EFCAB13: variants seen among roughly 807,000 people sequenced by gnomAD.
EFCAB13 encodes the protein EF-hand calcium-binding domain-containing protein 13.
Under a neutral mutation model 110.2 loss-of-function variants are expected in EFCAB13, and 91 were observed. The ratio of observed to expected loss-of-function variants is 0.83; its 90% CI spans 0.70 to 0.98. EFCAB13 has a LOEUF of 0.98. Among genes scored for constraint, EFCAB13 ranks in the 50% least tolerant of loss-of-function variants. EFCAB13 has a pLI of 0.00. For missense variants in EFCAB13, 968 were observed against 1,119.4 expected, an observed-to-expected ratio of 0.86 and a Z score of 1.93; for synonymous variants, 323 against 369.9, an observed-to-expected ratio of 0.87 and a Z score of 1.45.
chr17:47,353,369 A>G (rs572240741), intron 9 of EFCAB13, among the ~76,000 whole-genome samples: 49 of 152,044 alleles, frequency 3.2e-4, no homozygotes, highest in African/African-American at 1.1e-3. Flanking sequence ...ATCTTGGCTC[A>G]CTGCAACCTC....
chr17:47,402,675 C>G (rs1305404142), intron 18 of EFCAB13, among the ~76,000 whole-genome samples: 5 of 152,132 alleles, frequency 3.3e-5, no homozygotes, highest in African/African-American at 9.7e-5. Flanking sequence ...TCAAAGTGCT[C>G]TGAGGCCAGG....
At chr17:47,373,186 T>A (rs1399376444) in intron 11 of EFCAB13, among the ~76,000 whole-genome samples, 3 of 152,206 alleles carry the variant, frequency 2.0e-5, no homozygotes, top group African/African-American at 7.2e-5. Flanking sequence ...ATTCTTGTGC[T>A]TGATCAGTTA....
At chr17:47,347,417 GA>G (rs111348943) in intron 8 of EFCAB13, among the ~76,000 whole-genome samples, 6,211 of 152,236 alleles carry the variant, frequency 0.041, 294 homozygotes, top group East Asian at 0.24. Flanking sequence ...ACAGAAGAAT[GA>G]AAAAATCTTG....
intron 14 of EFCAB13, among the ~76,000 whole-genome samples, chr17:47,380,449 A>G (rs2065640904): frequency 6.6e-6 from 1 of 152,162 alleles, no homozygotes; most frequent in Non-Finnish European, 1.5e-5. Flanking sequence ...CATGGTGTAT[A>G]TGTGCCACAT....
rs1255865699 is a variant in EFCAB13, at chr17:47,427,169, T to A, written c.2495-2649T>A. Among the ~76,000 whole-genome samples, 3 of 152,142 alleles carry A rather than the reference T, an allele frequency of 2.0e-5. No individual in the cohort carries two copies. In the East Asian group the frequency reaches 5.8e-4, roughly 29 times the overall value. ...TGCAAAATGTAAATACATCACGTTT[T>A]TATTAAATTGATAGACTGCCTTTTC... On this transcript the variant is annotated intron_variant, in intron 23 of 24. Coordinates refer to ENST00000331493, the MANE Select transcript of EFCAB13 (RefSeq NM_152347.5).
At position 47,341,938 on chromosome 17, in the gene EFCAB13, T is replaced by A; in HGVS notation, c.209T>A (p.Ile70Asn). 2 of 1,569,480 alleles carry A rather than the reference T, an allele frequency of 1.3e-6. No individual in the cohort carries two copies. The highest frequency in any genetic ancestry group is 8.7e-7 in the Non-Finnish European group (1 of 1,155,190). The change falls in exon 6 of 25, where the codon ATC becomes AAC. Residue 70 changes from isoleucine (I) to asparagine (N), a missense_variant. Ile to Asn is a moderately radical substitution (Grantham distance 149). Coordinates refer to ENST00000331493, the MANE Select transcript of EFCAB13 (RefSeq NM_152347.5). ...EYKKIFETSIIFCGEEKSSDF... is the reference protein window; with the variant it reads ...EYKKIFETSINFCGEEKSSDF... ...TCATTTAGATTTGAAACATCAATAA[T>A]CTTTTGTGGAGAAGAAAAGTCCTCT...
chr17:47,367,469 G>A (rs1877075861), intron 10 of EFCAB13, among the ~76,000 whole-genome samples: 1 of 152,258 alleles, frequency 6.6e-6, no homozygotes, highest in Admixed American at 6.5e-5. Flanking sequence ...CAGGATGAGG[G>A]TATATATTTG....
At chr17:47,334,832 T>C (rs2065339767) in intron 4 of EFCAB13, among the ~76,000 whole-genome samples, 1 of 152,128 alleles carries the variant, frequency 6.6e-6, no homozygotes, top group Admixed American at 6.5e-5. Context: ...GGAGAATTGC[T>C]TGAGCCTGGG....
chr17:47,360,094 A>G (rs1598732593), intron 9 of EFCAB13, among the ~76,000 whole-genome samples: 1 of 152,118 alleles, frequency 6.6e-6, no homozygotes, highest in Non-Finnish European at 1.5e-5. Flanking sequence ...AAACATGTGC[A>G]TGTGTCTTTA....
intron 14 of EFCAB13, among the ~76,000 whole-genome samples, chr17:47,390,651 G>C (rs1331968103): frequency 6.6e-6 from 1 of 152,044 alleles, no homozygotes. Flanking sequence ...AAACTAAGGT[G>C]AATTTACCAA....
Position 47,414,915 on chromosome 17 carries a change from CAAGGG to C in EFCAB13, c.2491_2494+1del. 6.3e-7 allele frequency: 1 copy of C among 1,591,284 alleles called. No homozygotes were observed. Among genetic ancestry groups the C allele is most frequent in the Non-Finnish European group, 8.6e-7 (1 of 1,162,100 alleles). ...AAGAAAGTCCACATTTCCAAAAGTC[CAAGGG>C]TAAGTGAATACTTCTTGTTCAAGAG... On this transcript the variant is annotated splice_donor_variant and coding_sequence_variant, in exon 23 of 25. Coordinates refer to ENST00000331493, the MANE Select transcript of EFCAB13 (RefSeq NM_152347.5). LOFTEE classifies it high-confidence loss of function.
chr17:47,354,482 C>T (rs887669124), intron 9 of EFCAB13, among the ~76,000 whole-genome samples: 2 of 152,084 alleles, frequency 1.3e-5, no homozygotes, highest in Non-Finnish European at 2.9e-5. Flanking sequence ...ATTGAAGCCC[C>T]CTACTACTGT....
chr17:47,436,912 T>C (rs1905226993), intron 24 of EFCAB13, among the ~76,000 whole-genome samples: 1 of 152,084 alleles, frequency 6.6e-6, no homozygotes, highest in African/African-American at 2.4e-5. Context: ...TGAACTTTCC[T>C]CTTAGCACTG....
At chr17:47,399,071 C>A (rs1197711079) in intron 17 of EFCAB13, among the ~76,000 whole-genome samples, 1 of 152,076 alleles carries the variant, frequency 6.6e-6, no homozygotes, top group Non-Finnish European at 1.5e-5. Flanking sequence ...TACAGGTGCA[C>A]AGCACTGTGC....
chr17:47,377,700 T>G, intron 12 of EFCAB13, 66 bp from the exon 13 acceptor site: 2 of 1,355,838 alleles, frequency 1.5e-6, no homozygotes, highest in Non-Finnish European at 2.0e-6. Context: ...CTAAAGATTT[T>G]GAGTATTATT....
At chr17:47,338,966 T>A (rs1415326350) in intron 5 of EFCAB13, among the ~76,000 whole-genome samples, 1 of 151,666 alleles carries the variant, frequency 6.6e-6, no homozygotes, top group African/African-American at 2.4e-5. Context: ...TAAGAAACAA[T>A]AAATATATAT....
At chr17:47,430,620 G>A (rs929572637) in intron 24 of EFCAB13, 3 of 152,098 alleles carry the variant, frequency 2.0e-5, no homozygotes, top group Non-Finnish European at 2.9e-5. Context: ...TTTCTTGTTA[G>A]TTTTGGCAAG....
At chr17:47,440,359 T>C (rs2143534843) in intron 24 of EFCAB13, 72 bp from the exon 25 acceptor site, 1 of 1,400,396 alleles carries the variant, frequency 7.1e-7, no homozygotes. Flanking sequence ...ATTTGACTAT[T>C]AGCTTCAGCT....
rs1241867151 is a variant in EFCAB13, at chr17:47,432,004, C to T, written c.2638+2043C>T. 2.6e-5 allele frequency among the ~76,000 whole-genome samples: 4 copies of T among 152,090 alleles called. No homozygotes were observed. The East Asian group carries it at 7.7e-4, about 29-fold the overall frequency. ...GGCATTGTGTTTCATGCCTGTAATC[C>T]CAGCACTTTGGAAGGCTGAGGCAGG... On this transcript the variant is annotated intron_variant, in intron 24 of 24. Coordinates refer to ENST00000331493, the MANE Select transcript of EFCAB13 (RefSeq NM_152347.5).
Sources: gnomAD v4.1 joint callset for allele counts (sites outside exome capture counted in the v4.1 genomes callset) on GRCh38, gnomAD v4.1.1 for gene constraint, MANE v1.5 for transcripts, NCBI Gene and HGNC (gene_info 2026-07-23, HGNC 2026-07-21) for gene names.